KCNB2: variants seen among roughly 807,000 people sequenced by gnomAD.
KCNB2 encodes the protein potassium voltage-gated channel subfamily B member 2, also known as delayed rectifier potassium channel protein.
Under a neutral mutation model 61.5 loss-of-function variants are expected in KCNB2, and 15 were observed. The observed-to-expected ratio is 0.24, with a 90% CI of 0.16 to 0.38. KCNB2 has a LOEUF of 0.38. KCNB2 is among the 10% of genes least tolerant of loss of function. The probability of loss-of-function intolerance (pLI) is 1.00; values close to 1 mark genes in which losing one functional copy is unlikely to be tolerated. For missense variants in KCNB2, 828 were observed against 1,125.2 expected, an observed-to-expected ratio of 0.74 and a Z score of 3.78; for synonymous variants, 457 against 446.0, an observed-to-expected ratio of 1.02 and a Z score of -0.31.
At chr8:72,567,465 C>T (rs1806641379) in intron 1 of KCNB2, among the ~76,000 whole-genome samples, 177 bp from the exon 2 acceptor site, 1 of 152,104 alleles carries the variant, frequency 6.6e-6, no homozygotes, top group African/African-American at 2.4e-5. Context: ...TTCCCCCTTT[C>T]CTATATCCTA....
intron 2 of KCNB2, among the ~76,000 whole-genome samples, chr8:72,633,123 GCTTT>G (rs988229344): frequency 1.1e-3 from 165 of 152,264 alleles, no homozygotes; most frequent in African/African-American, 3.8e-3. Context: ...CAAAGATCCT[GCTTT>G]CACGCTCTTT....
At chr8:72,875,194 G>C (rs1297375477) in intron 2 of KCNB2, 1 of 152,170 alleles carries the variant, frequency 6.6e-6, no homozygotes, top group African/African-American at 2.4e-5. Flanking sequence ...TTGGATGATG[G>C]ATGATTATCC....
intron 2 of KCNB2, among the ~76,000 whole-genome samples, chr8:72,899,542 A>G (rs552457892): frequency 2.6e-5 from 4 of 152,364 alleles, no homozygotes; most frequent in East Asian, 3.9e-4. Flanking sequence ...CAGGATATCA[A>G]ATCAATGTAC....
chr8:72,837,740 A>G (rs1232663635), intron 2 of KCNB2, among the ~76,000 whole-genome samples: 1 of 152,200 alleles, frequency 6.6e-6, no homozygotes, highest in Admixed American at 6.5e-5. Flanking sequence ...CCCCATAGCA[A>G]TGAAACCACA....
chr8:72,792,399 T>A (rs1808960386), intron 2 of KCNB2, among the ~76,000 whole-genome samples: 1 of 152,216 alleles, frequency 6.6e-6, no homozygotes, highest in African/African-American at 2.4e-5. Context: ...AAAATCAATT[T>A]GTCTCAAGGT....
At chr8:72,646,462 GA>G (rs1214218668) in intron 2 of KCNB2, among the ~76,000 whole-genome samples, 11 of 152,234 alleles carry the variant, frequency 7.2e-5, no homozygotes, top group African/African-American at 2.6e-4. Flanking sequence ...TTGGTTGCAT[GA>G]TGAAAGTTGG....
intron 2 of KCNB2, among the ~76,000 whole-genome samples, chr8:72,626,576 G>T (rs1805793386): frequency 6.6e-6 from 1 of 152,182 alleles, no homozygotes; most frequent in Non-Finnish European, 1.5e-5. Context: ...TCTAGACATT[G>T]TGCAGAGCAC....
chr8:72,800,029 A>G (rs573852161), intron 2 of KCNB2, among the ~76,000 whole-genome samples: 100 of 152,248 alleles, frequency 6.6e-4, no homozygotes, highest in African/African-American at 2.2e-3. Context: ...CTTGAAAACC[A>G]AGGCGAAAAC....
intron 2 of KCNB2, among the ~76,000 whole-genome samples, chr8:72,914,086 G>A (rs1248702018): frequency 6.6e-6 from 1 of 152,186 alleles, no homozygotes; most frequent in Non-Finnish European, 1.5e-5. Flanking sequence ...GACACCAGCA[G>A]ATTTAGTGTC....
intron 2 of KCNB2, among the ~76,000 whole-genome samples, chr8:72,727,601 A>G (rs1392021617): frequency 6.6e-6 from 1 of 152,196 alleles, no homozygotes; most frequent in African/African-American, 2.4e-5. Flanking sequence ...AAGTATTGGC[A>G]AAGTCTGTAT....
At chr8:72,747,802 A>T (rs188865915) in intron 2 of KCNB2, among the ~76,000 whole-genome samples, 27 of 152,364 alleles carry the variant, frequency 1.8e-4, no homozygotes, top group African/African-American at 5.8e-4. Context: ...AACGAACAAG[A>T]TAATTGTCAA....
intron 2 of KCNB2, chr8:72,660,496 AC>A (rs751179669): frequency 2.6e-5 from 4 of 152,174 alleles, no homozygotes; most frequent in Non-Finnish European, 5.9e-5. Flanking sequence ...CACAAGCCCT[AC>A]CAAATACCTC....
intron 2 of KCNB2, among the ~76,000 whole-genome samples, chr8:72,864,713 C>T (rs957216002): frequency 2.0e-5 from 3 of 152,204 alleles, no homozygotes; most frequent in African/African-American, 7.2e-5. Flanking sequence ...TAGGATTCTA[C>T]AGACAGCATG....
intron 2 of KCNB2, among the ~76,000 whole-genome samples, chr8:72,610,602 G>C (rs936906174): frequency 2.0e-5 from 3 of 152,058 alleles, no homozygotes; most frequent in African/African-American, 4.8e-5. Context: ...CTATAGGCAA[G>C]GCACTGTCCT....
intron 2 of KCNB2, among the ~76,000 whole-genome samples, chr8:72,706,854 C>T (rs1416091700): frequency 6.6e-6 from 1 of 152,204 alleles, no homozygotes; most frequent in Non-Finnish European, 1.5e-5. Context: ...CTGCTTTAAC[C>T]TACCCACAGT....
intron 2 of KCNB2, among the ~76,000 whole-genome samples, chr8:72,746,639 C>T (rs546834398): frequency 3.3e-5 from 5 of 152,048 alleles, no homozygotes; most frequent in Non-Finnish European, 7.4e-5. Context: ...CTGTGCTTCC[C>T]GACATGTGTG....
chr8:72,933,550 C>G (rs192446670), intron 2 of KCNB2, among the ~76,000 whole-genome samples: 2 of 152,208 alleles, frequency 1.3e-5, no homozygotes, highest in Admixed American at 1.3e-4. Context: ...CTTAAAATGC[C>G]CAAAGATGTA....
intron 2 of KCNB2, among the ~76,000 whole-genome samples, chr8:72,846,145 G>A (rs981785436): frequency 5.3e-5 from 8 of 152,150 alleles, no homozygotes; most frequent in African/African-American, 1.9e-4. Flanking sequence ...ATCTGGACCG[G>A]AATGCACTGT....
intron 2 of KCNB2, among the ~76,000 whole-genome samples, chr8:72,574,078 A>G (rs1422802201): frequency 6.6e-6 from 1 of 152,278 alleles, no homozygotes; most frequent in African/African-American, 2.4e-5. Context: ...AAAATGTATC[A>G]TCCATGAAGA....
Sources: allele counts gnomAD v4.1 joint callset (sites outside exome capture counted in the v4.1 genomes callset), GRCh38; gene constraint gnomAD v4.1.1; transcripts MANE v1.5; gene names NCBI Gene and HGNC (gene_info 2026-07-23, HGNC 2026-07-21).